Variants in ASAP2 observed in about 807,000 individuals in gnomAD.
ASAP2 encodes the protein ArfGAP with SH3 domain, ankyrin repeat and PH domain 2.
In ASAP2, 45 loss-of-function variants were observed where a neutral mutation model predicts 131.4. That is an observed-to-expected ratio of 0.34 (90% CI 0.27 to 0.44). The LOEUF (loss-of-function observed/expected upper bound fraction) is 0.44, where lower values mean the gene tolerates loss of function less well. Ranked by LOEUF, ASAP2 falls within the 20% of genes least tolerant of loss-of-function variation. The pLI is 1.00. For synonymous variants in ASAP2, 510 were observed against 503.0 expected (o/e 1.01, Z -0.19); for missense variants, 1,011 against 1,297.0 (o/e 0.78, Z 3.39).
intron 9 of ASAP2, among the ~76,000 whole-genome samples, chr2:9,342,776 C>T (rs1671675238): frequency 6.6e-6 from 1 of 152,228 alleles, no homozygotes; most frequent in African/African-American, 2.4e-5. Context: ...GTCTTGTCCA[C>T]CCCTGGGCCT....
intron 1 of ASAP2, among the ~76,000 whole-genome samples, chr2:9,270,277 G>A (rs530026141): frequency 2.6e-5 from 4 of 152,200 alleles, no homozygotes; most frequent in Admixed American, 6.5e-5. Context: ...CTTTTCCCCC[G>A]CTCTGAGCTG....
intron 15 of ASAP2, among the ~76,000 whole-genome samples, chr2:9,359,630 A>G (rs964056811): frequency 6.6e-6 from 1 of 152,234 alleles, no homozygotes; most frequent in African/African-American, 2.4e-5. Context: ...CATTGATTTT[A>G]ATGTTGAATT....
At position 9,392,187 on chromosome 2, in the gene ASAP2, G is replaced by GATATT. The variant is rs1675782867; in HGVS notation, c.2518+992_2518+993insTATTA. Reference sequence around the variant, plus strand: ...TTTTCTTTAATATCAACATGTGGTTGAAAGTCCTGAAAACCTTGGGTAAAG... The same window carrying GATATT: ...TTTTCTTTAATATCAACATGTGGTTGATATTAAAGTCCTGAAAACCTTGGGTAAAG... On this transcript the variant is annotated intron_variant, in intron 23 of 27. Transcript: ENST00000281419. This position sits in a 1 kb window ranked among gnomAD's most constrained non-coding sequence, Gnocchi z 4.0. Among the ~76,000 whole-genome samples the GATATT allele has an allele frequency of 6.6e-6, 1 of 152,222 alleles. No homozygotes were observed. The highest frequency in any genetic ancestry group is 6.5e-5 in the Admixed American group (1 of 15,282).
chr2:9,286,565 G>A (rs150783470), intron 2 of ASAP2, among the ~76,000 whole-genome samples: 158 of 152,086 alleles, frequency 1.0e-3, no homozygotes, highest in African/African-American at 3.3e-3. Context: ...CATTGTTGTG[G>A]CACTGAAAAC....
chr2:9,284,130 T>C (rs146562961), intron 2 of ASAP2, among the ~76,000 whole-genome samples: 1 of 152,324 alleles, frequency 6.6e-6, no homozygotes, highest in East Asian at 1.9e-4. Context: ...TCATCCACAA[T>C]TTCAATTCCT....
chr2:9,224,254 C>CT (rs1205898867), intron 1 of ASAP2, among the ~76,000 whole-genome samples: 1 of 152,108 alleles, frequency 6.6e-6, no homozygotes, highest in Non-Finnish European at 1.5e-5. Flanking sequence ...CTGGCGCTTC[C>CT]TTTTTGGGGT....
intron 24 of ASAP2, among the ~76,000 whole-genome samples, chr2:9,396,516 G>A (rs1043424215): frequency 6.6e-6 from 1 of 152,092 alleles, no homozygotes; most frequent in African/African-American, 2.4e-5. Flanking sequence ...GGCTCAAGCA[G>A]TCCTCCCACC....
chr2:9,217,576 T>G lies in ASAP2; in HGVS notation c.126+10346T>G, dbSNP rs114620477. Among the ~76,000 whole-genome samples the G allele has an allele frequency of 5.4e-4, 82 of 152,260 alleles. No homozygotes were observed. Among genetic ancestry groups the G allele is most frequent in the African/African-American group, 1.9e-3 (77 of 41,552 alleles). On this transcript the variant is annotated intron_variant, in intron 1 of 27. Coordinates refer to ENST00000281419, the MANE Select transcript of ASAP2 (RefSeq NM_003887.3). This position sits in a 1 kb window ranked among gnomAD's most constrained non-coding sequence, Gnocchi z 4.0. The stretch of plus-strand genomic sequence containing the variant: ...TGTCGGGACCTCTTTCCCCAGCTTC[T>G]CAGAAGAAATCATGTTCTTCTTAGA...
chr2:9,276,189 T>G (rs1666747516), intron 1 of ASAP2, among the ~76,000 whole-genome samples: 1 of 152,182 alleles, frequency 6.6e-6, no homozygotes, highest in South Asian at 2.1e-4. Flanking sequence ...CACCATTTTA[T>G]CCAATGAAAT....
chr2:9,318,682 G>A (rs1216785876), intron 4 of ASAP2, 84 bp downstream of exon 4: 45 of 855,944 alleles, frequency 5.3e-5, no homozygotes, highest in Non-Finnish European at 6.7e-5. Flanking sequence ...CAGCAGCCAC[G>A]CCAGTACGTT....
At chr2:9,228,228 GA>G (rs2148012956) in intron 1 of ASAP2, among the ~76,000 whole-genome samples, 1 of 152,262 alleles carries the variant, frequency 6.6e-6, no homozygotes, top group South Asian at 2.1e-4. Flanking sequence ...TTTATCATTG[GA>G]ATGAATCATC....
At chr2:9,264,514 G>T (rs1280690452) in intron 1 of ASAP2, among the ~76,000 whole-genome samples, 1 of 152,202 alleles carries the variant, frequency 6.6e-6, no homozygotes, top group East Asian at 1.9e-4. Context: ...AGCCCAGCAG[G>T]CTGTATTCAT....
At chr2:9,278,442 G>A (rs376020880) in intron 1 of ASAP2, among the ~76,000 whole-genome samples, 1 of 151,670 alleles carries the variant, frequency 6.6e-6, no homozygotes, top group East Asian at 1.9e-4. Flanking sequence ...GAACCCAGGA[G>A]GCAGAGGCTG....
intron 11 of ASAP2, among the ~76,000 whole-genome samples, chr2:9,348,258 A>G (rs1672099405): frequency 6.6e-6 from 1 of 152,128 alleles, no homozygotes; most frequent in South Asian, 2.1e-4. Context: ...CTGGGACTGC[A>G]GGTGCATGCC....
At chr2:9,396,781 C>T (rs1056600950) in intron 24 of ASAP2, among the ~76,000 whole-genome samples, 2 of 152,180 alleles carry the variant, frequency 1.3e-5, no homozygotes, top group Admixed American at 1.3e-4. Context: ...GTGGGTGGAT[C>T]ACTTGAAGCC....
At chr2:9,361,830 G>T (rs1316506014) in intron 15 of ASAP2, among the ~76,000 whole-genome samples, 2 of 152,196 alleles carry the variant, frequency 1.3e-5, no homozygotes, top group African/African-American at 4.8e-5. Context: ...CTCCCAAAAT[G>T]CTGGGATTAC....
At chr2:9,351,007 A>G in intron 12 of ASAP2, 112 bp downstream of exon 12, 2 of 798,818 alleles carry the variant, frequency 2.5e-6, no homozygotes, top group Non-Finnish European at 3.8e-6. Flanking sequence ...TTGAAGAGAC[A>G]TACCCTTTTT....
intron 19 of ASAP2, 57 bp from the exon 20 acceptor site, chr2:9,380,684 G>A (rs1674767164): frequency 1.3e-6 from 2 of 1,517,440 alleles, no homozygotes; most frequent in South Asian, 2.2e-5. Context: ...TGTCCTGGAT[G>A]TCAGGCCTTT....
At chr2:9,387,912 G>A (rs1334138606) in intron 21 of ASAP2, among the ~76,000 whole-genome samples, 4 of 152,196 alleles carry the variant, frequency 2.6e-5, no homozygotes, top group East Asian at 3.9e-4. Flanking sequence ...GAGAGCAAGC[G>A]AGAGCAGGGA....
Sources: gnomAD v4.1 joint callset for allele counts (sites outside exome capture counted in the v4.1 genomes callset) on GRCh38, gnomAD v4.1.1 for gene constraint, Gnocchi (gnomAD v3.1) non-coding constraint, MANE v1.5 for transcripts, NCBI Gene and HGNC (gene_info 2026-07-23, HGNC 2026-07-21) for gene names.